Variants in HMX3 observed in about 807,000 individuals in gnomAD.
The protein encoded by HMX3 is H6 family homeobox 3, also known as homeobox protein HMX3.
In HMX3, 8 loss-of-function variants were observed where a neutral mutation model predicts 22.8. The observed-to-expected ratio is 0.35, with a 90% confidence interval of 0.21 to 0.63. The LOEUF (loss-of-function observed/expected upper bound fraction) is 0.63. Among genes scored for constraint, HMX3 ranks in the 30% least tolerant of loss-of-function variants. The pLI is 0.72. For missense variants in HMX3, 527 were observed against 520.6 expected, an observed-to-expected ratio of 1.01 and a Z score of -0.12; for synonymous variants, 331 against 250.9, an observed-to-expected ratio of 1.32 and a Z score of -3.02.
In HMX3 at chr10:123,135,986, C is replaced by A. The variant is rs1453990403; in HGVS notation, c.-65C>A. 2 of 1,298,756 alleles carry A rather than the reference C, an allele frequency of 1.5e-6. No individual in the cohort carries two copies. Among genetic ancestry groups the A allele is most frequent in the Non-Finnish European group, 2.0e-6 (2 of 1,018,660 alleles). 80.5% of individuals were successfully genotyped at this position (1,298,756 alleles called of 1,614,324 possible). A position where few individuals can be genotyped will look rare whatever the true frequency, so the allele number is the denominator to read the frequency against. On this transcript the variant is annotated 5_prime_UTR_variant, in exon 1 of 2. Transcript: ENST00000357878. Reference sequence around the variant, plus strand: ...TTATGGTCTGATTTCCGGCCTCTCGCCTGCTCGCCCCGCCGCCCGCCTGTC... The same window carrying A: ...TTATGGTCTGATTTCCGGCCTCTCGACTGCTCGCCCCGCCGCCCGCCTGTC...
chr10:123,137,506 G>A lies in HMX3; in HGVS notation c.849G>A (p.Lys283=). Residue 283 remains lysine (K), a synonymous_variant, in exon 2 of 2, where the codon AAG becomes AAA. Transcript: ENST00000357878. This position sits in a 1 kb window ranked among gnomAD's most constrained non-coding sequence, Gnocchi z 5.8. ...TCCAGAACCGCCGCAACAAGTGGAA[G>A]CGGCAGCTGGCGGCGGAGCTGGAGG... ...IWFQNRRNKW[K]RQLAAELEAA... The A allele has an allele frequency of 1.2e-6, 2 of 1,612,714 alleles. No homozygotes were observed. The highest frequency in any genetic ancestry group is 8.5e-7 in the Non-Finnish European group (1 of 1,179,826).
At position 123,136,425 on chromosome 10, in the gene HMX3, C is replaced by T. The variant is rs368856725; in HGVS notation, c.375C>T (p.Ala125=). 247 of 1,480,866 alleles carry T rather than the reference C, an allele frequency of 1.7e-4. 1 individual carries two copies. The highest frequency in any genetic ancestry group is 1.8e-4 in the Middle Eastern group (1 of 5,556). 91.7% of individuals were successfully genotyped at this position (1,480,866 alleles called of 1,614,324 possible). Residue 125 remains alanine (A), a synonymous_variant, in exon 1 of 2, where the codon GCC becomes GCT. Transcript: ENST00000357878. The surrounding 1 kb of genome is among the most constrained non-coding windows in gnomAD (Gnocchi z 4.8). ...GGTACCCCTACACCCTGACCCCCGC[C>T]GGCGGCCACCTCCCGCGACCTGAAG... ...AWWYPYTLTP[A]GGHLPRPEAS... is the part of the protein sequence containing the mutation.
chr10:123,137,777 AC>A lies in HMX3; in HGVS notation c.*50del. 7.4e-7 allele frequency: 1 copy of A among 1,355,658 alleles called. No homozygotes were observed. The highest frequency in any genetic ancestry group is 9.6e-7 in the Non-Finnish European group (1 of 1,040,790). The allele number at this position is 1,355,658 out of a possible 1,614,324, so 84.0% of individuals were successfully genotyped here. On this transcript the variant is annotated 3_prime_UTR_variant, in exon 2 of 2. Coordinates refer to ENST00000357878, the MANE Select transcript of HMX3 (RefSeq NM_001105574.2). This position sits in a 1 kb window ranked among gnomAD's most constrained non-coding sequence, Gnocchi z 5.8. ...GGGAGCGCCCGGCCTCCTTGTCCGG[AC>A]CCCGGAGGAGACTGGGCCGGGCCGA...
chr10:123,137,209 A>G lies in HMX3; in HGVS notation c.552A>G (p.Glu184=). The change falls in exon 2 of 2, where the codon GAA becomes GAG. Residue 184 remains glutamate (E), a synonymous_variant. Transcript: ENST00000357878. The surrounding 1 kb of genome is among the most constrained non-coding windows in gnomAD (Gnocchi z 5.8). ...EIILEESDSE[E]SKKEGEAAPG... is the part of the protein sequence containing the mutation. The stretch of plus-strand genomic sequence containing the variant: ...TTCTGGAGGAGAGCGACTCCGAGGA[A>G]AGCAAAAAGGAAGGCGAAGCGGCGC... 1.9e-6 allele frequency: 3 copies of G among 1,599,838 alleles called. No homozygotes were observed. The highest frequency in any genetic ancestry group is 2.6e-6 in the Non-Finnish European group (3 of 1,173,416).
In HMX3 at chr10:123,136,345, C is replaced by T; in HGVS notation, c.295C>T (p.Pro99Ser). 1 of 1,571,962 alleles carries T rather than the reference C, an allele frequency of 6.4e-7. No individual in the cohort carries two copies. Among genetic ancestry groups the T allele is most frequent in the Non-Finnish European group, 8.6e-7 (1 of 1,160,296 alleles). Residue 99 changes from proline to serine, a missense_variant, in exon 1 of 2, where the codon CCG becomes TCG. This residue lies in a region of HMX3 where 386 missense variants were observed against 337.8 expected (regional missense o/e 1.14). Coordinates refer to ENST00000357878, the MANE Select transcript of HMX3 (RefSeq NM_001105574.2). The surrounding 1 kb of genome is among the most constrained non-coding windows in gnomAD (Gnocchi z 4.8). ...CCTGGCTTTCCCTCGCTTTGAGATC[C>T]CGGCGCAGAGGTTTGCCCTGCCCGC... ...GDLAFPRFEI[P>S]AQRFALPAHY...
At position 123,137,165 on chromosome 10, in the gene HMX3, A is replaced by C; in HGVS notation, c.508A>C (p.Lys170Gln). Residue 170 changes from lysine to glutamine, a missense_variant, in exon 2 of 2, where the codon AAG becomes CAG. Physicochemically the swap from Lys to Gln is moderately conservative, Grantham distance 53 (BLOSUM62 1). This residue lies in a region of HMX3 where 386 missense variants were observed against 337.8 expected (regional missense o/e 1.14). Coordinates refer to ENST00000357878, the MANE Select transcript of HMX3 (RefSeq NM_001105574.2). This position sits in a 1 kb window ranked among gnomAD's most constrained non-coding sequence, Gnocchi z 5.8. ...CCCCGATCACAAGGAGCTGGACTCC[A>C]AGAGCCCGGACGAGATCATTCTGGA... ...ADPDHKELDSKSPDEIILEES... is the reference protein window; with the variant it reads ...ADPDHKELDSQSPDEIILEES... 6.2e-7 allele frequency: 1 copy of C among 1,604,976 alleles called. No individual in the cohort carries two copies.
Position 123,137,476 on chromosome 10 carries a change from C to A in HMX3, c.819C>A (p.Ile273=), listed in dbSNP as rs765225935. 37 of 1,612,900 alleles carry A rather than the reference C, an allele frequency of 2.3e-5. No individual in the cohort carries two copies. The South Asian group carries it at 4.0e-4, about 17-fold the overall frequency. The change falls in exon 2 of 2, where the codon ATC becomes ATA. Residue 273 remains isoleucine, a synonymous_variant. Transcript: ENST00000357878. The surrounding 1 kb of genome is among the most constrained non-coding windows in gnomAD (Gnocchi z 5.8). The part of the protein sequence containing the change: ...SLHLTETQVK[I]WFQNRRNKWK... Reference sequence around the variant, plus strand: ...ACCTCACCGAGACGCAGGTCAAGATCTGGTTCCAGAACCGCCGCAACAAGT... The same window carrying A: ...ACCTCACCGAGACGCAGGTCAAGATATGGTTCCAGAACCGCCGCAACAAGT...
Position 123,137,292 on chromosome 10 carries a change from G to A in HMX3, c.635G>A (p.Trp212Ter). 1 of 1,602,340 alleles carries A rather than the reference G, an allele frequency of 6.2e-7. No individual in the cohort carries two copies. The highest frequency in any genetic ancestry group is 1.3e-5 in the African/African-American group (1 of 74,836). The change falls in exon 2 of 2, where the codon TGG becomes TAG. Residue 212 changes from tryptophan to a stop codon, truncating the protein, a stop_gained. Coordinates refer to ENST00000357878, the MANE Select transcript of HMX3 (RefSeq NM_001105574.2). LOFTEE classifies it high-confidence loss of function. The surrounding 1 kb of genome is among the most constrained non-coding windows in gnomAD (Gnocchi z 5.8). ...GCGGCCACTCCGGGCGCAGAAGACTGGAAGAAGGGCGCTGAAAGTCCAGAG... is the reference window on the plus strand; with the variant it reads ...GCGGCCACTCCGGGCGCAGAAGACTAGAAGAAGGGCGCTGAAAGTCCAGAG... The part of the protein sequence containing the change: ...AAAATPGAED[W>*]KKGAESPEKK...
Position 123,137,848 on chromosome 10 carries a change from G to C in HMX3, c.*117G>C. On this transcript the variant is annotated 3_prime_UTR_variant, in exon 2 of 2. Transcript: ENST00000357878. The surrounding 1 kb of genome is among the most constrained non-coding windows in gnomAD (Gnocchi z 5.8). ...GGCCTTCAGGAACTGGGGCTTGGGC[G>C]CGCAGCCTCTGCTTCCCCTCCCCCA... 1 of 682,696 alleles carries C rather than the reference G, an allele frequency of 1.5e-6. No homozygotes were observed. Among genetic ancestry groups the C allele is most frequent in the Non-Finnish European group, 2.2e-6 (1 of 445,878 alleles). 42.3% of individuals were successfully genotyped at this position (682,696 alleles called of 1,614,324 possible).
Position 123,137,781 on chromosome 10 carries a change from C to A in HMX3, c.*50C>A. On this transcript the variant is annotated 3_prime_UTR_variant, in exon 2 of 2. Transcript: ENST00000357878. This position sits in a 1 kb window ranked among gnomAD's most constrained non-coding sequence, Gnocchi z 5.8. ...GCGCCCGGCCTCCTTGTCCGGACCCCGGAGGAGACTGGGCCGGGCCGAGGG... is the reference window on the plus strand; with the variant it reads ...GCGCCCGGCCTCCTTGTCCGGACCCAGGAGGAGACTGGGCCGGGCCGAGGG... The A allele has an allele frequency of 7.4e-7, 1 of 1,342,874 alleles. No individual in the cohort carries two copies. The highest frequency in any genetic ancestry group is 1.6e-5 in the South Asian group (1 of 62,608). 83.2% of individuals were successfully genotyped at this position (1,342,874 alleles called of 1,614,324 possible).
chr10:123,136,234 G>A lies in HMX3; in HGVS notation c.184G>A (p.Ala62Thr), dbSNP rs760687009. The A allele has an allele frequency of 8.3e-6, 11 of 1,326,920 alleles. No individual in the cohort carries two copies. Among genetic ancestry groups the A allele is most frequent in the Non-Finnish European group, 1.9e-6 (2 of 1,042,568 alleles). The allele number at this position is 1,326,920 out of a possible 1,614,324, so 82.2% of individuals were successfully genotyped here. A position where few individuals can be genotyped will look rare whatever the true frequency, so the allele number is the denominator to read the frequency against. ...GACGCTCTTCGCGCCAGCCTCGGCT[G>A]CCGCCGCCGCCGCCGCTGCCGCTGC... Reference protein sequence around the residue: ...PRTLFAPASAAAAAAAAAAAA... With the variant: ...PRTLFAPASATAAAAAAAAAA... Residue 62 changes from alanine (A) to threonine (T), a missense_variant, in exon 1 of 2, where the codon GCC becomes ACC. Transcript: ENST00000357878. This position sits in a 1 kb window ranked among gnomAD's most constrained non-coding sequence, Gnocchi z 4.8.
Position 123,137,030 on chromosome 10 carries a change from G to A in HMX3, c.401-28G>A, listed in dbSNP as rs1478985883. The A allele has an allele frequency of 1.3e-6, 2 of 1,579,924 alleles. No individual in the cohort carries two copies. Among genetic ancestry groups the A allele is most frequent in the South Asian group, 2.3e-5 (2 of 86,110 alleles). On this transcript the variant is annotated intron_variant, in intron 1 of 1. Transcript: ENST00000357878. This position sits in a 1 kb window ranked among gnomAD's most constrained non-coding sequence, Gnocchi z 5.8. ...CTCAAGGCTGTGTCGGTGTGCATGT[G>A]TGTGCGTCCGTCTGTCTGTCTCCCC...
At position 123,138,492 on chromosome 10, in the gene HMX3, G is replaced by C. The variant is rs1424378171; in HGVS notation, c.*761G>C. ...AGAACTGTTTTCAGAATCCAGAGAG[G>C]GAGAGAATTCATATGATAGTACTTT... On this transcript the variant is annotated 3_prime_UTR_variant, in exon 2 of 2. Coordinates refer to ENST00000357878, the MANE Select transcript of HMX3 (RefSeq NM_001105574.2). Among the ~76,000 whole-genome samples the C allele has an allele frequency of 6.6e-6, 1 of 152,164 alleles. No homozygotes were observed. The highest frequency in any genetic ancestry group is 1.5e-5 in the Non-Finnish European group (1 of 68,040).
At position 123,138,163 on chromosome 10, in the gene HMX3, C is replaced by T. The variant is rs12220908; in HGVS notation, c.*432C>T. On this transcript the variant is annotated 3_prime_UTR_variant, in exon 2 of 2. Coordinates refer to ENST00000357878, the MANE Select transcript of HMX3 (RefSeq NM_001105574.2). ...TCTTTTCTGCTTTTTTTTTTTTTTC[C>T]GAGACGGAATCTTGCTCTATCTATT... Among the ~76,000 whole-genome samples, 10,441 of 37,570 alleles carry T rather than the reference C, an allele frequency of 0.28. 657 individuals carry two copies. Among genetic ancestry groups the T allele is most frequent in the East Asian group, 0.48 (1,263 of 2,606 alleles). 24.6% of individuals were successfully genotyped at this position (37,570 alleles called of 152,430 possible). A position where few individuals can be genotyped will look rare whatever the true frequency, so the allele number is the denominator to read the frequency against.
chr10:123,136,100 A>G lies in HMX3; in HGVS notation c.50A>G (p.Gln17Arg). 7.4e-7 allele frequency: 1 copy of G among 1,344,676 alleles called. No individual in the cohort carries two copies. Among genetic ancestry groups the G allele is most frequent in the South Asian group, 1.7e-5 (1 of 57,336 alleles). 83.3% of individuals were successfully genotyped at this position (1,344,676 alleles called of 1,614,324 possible). A position where few individuals can be genotyped will look rare whatever the true frequency, so the allele number is the denominator to read the frequency against. Residue 17 changes from glutamine (Q) to arginine (R), a missense_variant, in exon 1 of 2, where the codon CAA becomes CGA. Around this residue, in one of 3 missense-constraint regions of HMX3, gnomAD observed 386 missense variants for 337.8 expected, o/e 1.14. Transcript: ENST00000357878. The surrounding 1 kb of genome is among the most constrained non-coding windows in gnomAD (Gnocchi z 4.8). ...DAAGTASAQP[Q>R]PPPPPPPAPK... The stretch of plus-strand genomic sequence containing the variant: ...GCCGGCACCGCCAGCGCACAGCCCC[A>G]ACCGCCGCCGCCCCCCCCACCCGCT...
In HMX3 at chr10:123,139,228, C is replaced by G. The variant is rs945492521; in HGVS notation, c.*1497C>G. ...GTTCACCCTCTACTCCGCAGGGCTCCTGGCTCTGTCACCCAATCTGTTTTC... is the reference window on the plus strand; with the variant it reads ...GTTCACCCTCTACTCCGCAGGGCTCGTGGCTCTGTCACCCAATCTGTTTTC... On this transcript the variant is annotated 3_prime_UTR_variant, in exon 2 of 2. Coordinates refer to ENST00000357878, the MANE Select transcript of HMX3 (RefSeq NM_001105574.2). 1.3e-5 allele frequency among the ~76,000 whole-genome samples: 2 copies of G among 152,232 alleles called. No individual in the cohort carries two copies. Among genetic ancestry groups the G allele is most frequent in the South Asian group, 4.1e-4 (2 of 4,826 alleles).
Position 123,138,008 on chromosome 10 carries a change from T to G in HMX3, c.*277T>G, listed in dbSNP as rs1844097337. On this transcript the variant is annotated 3_prime_UTR_variant, in exon 2 of 2. Coordinates refer to ENST00000357878, the MANE Select transcript of HMX3 (RefSeq NM_001105574.2). ...GCAGGAACAAGACAAAATTTTCGGG[T>G]CAGAGATTTCGGCCGATAGTTTTTG... is the stretch of plus-strand genomic sequence containing the variant. 6.6e-6 allele frequency among the ~76,000 whole-genome samples: 1 copy of G among 152,238 alleles called. No individual in the cohort carries two copies. Among genetic ancestry groups the G allele is most frequent in the Non-Finnish European group, 1.5e-5 (1 of 68,042 alleles).
Position 123,137,645 on chromosome 10 carries a change from G to A in HMX3, c.988G>A (p.Val330Ile). 1.3e-6 allele frequency: 2 copies of A among 1,515,484 alleles called. No homozygotes were observed. Among genetic ancestry groups the A allele is most frequent in the Non-Finnish European group, 1.8e-6 (2 of 1,140,914 alleles). The allele number at this position is 1,515,484 out of a possible 1,614,324, so 93.9% of individuals were successfully genotyped here. A position where few individuals can be genotyped will look rare whatever the true frequency, so the allele number is the denominator to read the frequency against. Reference sequence around the variant, plus strand: ...TGCAGCCGCGGGGGCCCCGGTGCCAGTCAGCCAGCCGCTGCTCACCTTCCC... The same window carrying A: ...TGCAGCCGCGGGGGCCCCGGTGCCAATCAGCCAGCCGCTGCTCACCTTCCC... ...AAAAAGAPVP[V>I]SQPLLTFPHP... The change falls in exon 2 of 2, where the codon GTC becomes ATC. Residue 330 changes from valine to isoleucine, a missense_variant. Transcript: ENST00000357878. The surrounding 1 kb of genome is among the most constrained non-coding windows in gnomAD (Gnocchi z 5.8).
Position 123,137,565 on chromosome 10 carries a change from T to C in HMX3, c.908T>C (p.Ile303Thr). The stretch of plus-strand genomic sequence containing the variant: ...CTGAGCCATGCCGCGGCGCAGCGCA[T>C]CGTGCGGGTGCCCATCCTCTACCAC... ...ANLSHAAAQR[I>T]VRVPILYHEN... is the part of the protein sequence containing the mutation. The change falls in exon 2 of 2, where the codon ATC (isoleucine) becomes ACC (threonine). Residue 303 changes from isoleucine (I) to threonine (T), a missense_variant. Coordinates refer to ENST00000357878, the MANE Select transcript of HMX3 (RefSeq NM_001105574.2). This position sits in a 1 kb window ranked among gnomAD's most constrained non-coding sequence, Gnocchi z 5.8. 1 of 1,608,210 alleles carries C rather than the reference T, an allele frequency of 6.2e-7. No homozygotes were observed.
Sources: allele counts gnomAD v4.1 joint callset (sites outside exome capture counted in the v4.1 genomes callset), GRCh38; gene constraint gnomAD v4.1.1; regional missense constraint gnomAD v4.1.1; non-coding constraint Gnocchi (gnomAD v3.1); transcripts MANE v1.5; gene names NCBI Gene and HGNC (gene_info 2026-07-23, HGNC 2026-07-21).